The following SGSM2 variants were observed in gnomAD, a reference collection of about 807,000 sequenced individuals.
SGSM2 encodes the protein small G protein signaling modulator 2.
Under a neutral mutation model 126.6 loss-of-function variants are expected in SGSM2, and 89 were observed. That is an observed-to-expected ratio of 0.70 (90% confidence interval 0.59 to 0.84). The LOEUF (loss-of-function observed/expected upper bound fraction) is 0.84, where lower values mean the gene tolerates loss of function less well. Ranked by LOEUF, SGSM2 falls within the 40% of genes least tolerant of loss-of-function variation. The pLI is 0.00. For synonymous variants in SGSM2, 614 were observed against 574.3 expected (o/e 1.07, Z -0.99); for missense variants, 1,404 against 1,416.6 (o/e 0.99, Z 0.14).
chr17:2,371,541 CA>C, intron 13 of SGSM2, 126 bp downstream of exon 13: 3 of 1,212,312 alleles, frequency 2.5e-6, no homozygotes, highest in Non-Finnish European at 3.4e-6. Flanking sequence ...GATCTGGGTT[CA>C]AATTTCACTT....
intron 16 of SGSM2, 34 bp from the exon 17 acceptor site, chr17:2,373,297 C>A: frequency 6.3e-7 from 1 of 1,595,896 alleles, no homozygotes; most frequent in Non-Finnish European, 8.6e-7. Context: ...CTGGTGCACG[C>A]TTCCCCCATG....
chr17:2,344,264 A>G (rs2064497574), intron 2 of SGSM2, among the ~76,000 whole-genome samples: 1 of 152,162 alleles, frequency 6.6e-6, no homozygotes. Context: ...CCGCCTCCTC[A>G]GCCTGAAGAC....
chr17:2,357,016 G>A lies in SGSM2; in HGVS notation c.134-4621G>A, dbSNP rs571661565. 1.8e-4 allele frequency among the ~76,000 whole-genome samples: 28 copies of A among 152,112 alleles called. No homozygotes were observed. In the South Asian group the frequency reaches 2.5e-3, roughly 14 times the overall value. ...TATCTTAGAATGGTGGAATTGGGGT[G>A]TAAGGGTTGGGGTGCCCATAGGATT... On this transcript the variant is annotated intron_variant, in intron 2 of 23. Coordinates refer to ENST00000268989, the MANE Select transcript of SGSM2 (RefSeq NM_014853.3).
Position 2,373,494 on chromosome 17 carries a change from A to G in SGSM2, c.2081A>G (p.Asp694Gly). ...CACGTGCAGCGCCTCATCCACCGAG[A>G]CTCCACCATCAGCAACGATGTGAGC... ...DSHVQRLIHRDSTISNDVFIS... is the reference protein window; with the variant it reads ...DSHVQRLIHRGSTISNDVFIS... Residue 694 changes from aspartate (D) to glycine (G), a missense_variant, in exon 17 of 24, where the codon GAC becomes GGC. Transcript: ENST00000268989. 6.3e-7 allele frequency: 1 copy of G among 1,584,226 alleles called. No individual in the cohort carries two copies. Among genetic ancestry groups the G allele is most frequent in the Non-Finnish European group, 8.5e-7 (1 of 1,169,602 alleles).
rs967657307 is a variant in SGSM2 at position 2,343,476 on chromosome 17, A to G, written c.58-69A>G. 6 of 1,505,218 alleles carry G rather than the reference A, an allele frequency of 4.0e-6. No individual in the cohort carries two copies. The African/African-American group carries it at 6.9e-5, about 17-fold the overall frequency. 93.2% of individuals were successfully genotyped at this position (1,505,218 alleles called of 1,614,324 possible). On this transcript the variant is annotated intron_variant, in intron 1 of 23. Coordinates refer to ENST00000268989, the MANE Select transcript of SGSM2 (RefSeq NM_014853.3). ...CAGACCAGAAGGGCGGAACCAAACT[A>G]TTTATTTGCCCAGAGGTCTTTGATA...
chr17:2,379,164 A>C lies in SGSM2; in HGVS notation c.3028A>C (p.Asn1010His). The change falls in exon 23 of 24, where the codon AAC becomes CAC. Residue 1010 changes from asparagine (N) to histidine (H), a missense_variant. Physicochemically the swap from Asn to His is moderately conservative, Grantham distance 68. Transcript: ENST00000268989. The stretch of plus-strand genomic sequence containing the variant: ...GGCCTACCGAGAGATCATCCGTGAC[A>C]ACAACATGGACTTCACTGACATCAT... ...VEAYREIIRD[N>H]NMDFTDIIKF... is the part of the protein sequence containing the mutation. 1 of 1,614,014 alleles carries C rather than the reference A, an allele frequency of 6.2e-7. No homozygotes were observed. Among genetic ancestry groups the C allele is most frequent in the Non-Finnish European group, 8.5e-7 (1 of 1,179,960 alleles).
At chr17:2,373,885 T>G in intron 17 of SGSM2, 1 of 198,838 alleles carries the variant, frequency 5.0e-6, no homozygotes, top group Non-Finnish European at 1.0e-5. Flanking sequence ...GGGCAAGCAC[T>G]TCCCGTCTCT....
chr17:2,360,697 A>G (rs921084693), intron 2 of SGSM2, among the ~76,000 whole-genome samples: 1 of 152,228 alleles, frequency 6.6e-6, no homozygotes, highest in Admixed American at 6.5e-5. Flanking sequence ...GTTCTGTCTG[A>G]CTGTCTCCAG....
intron 2 of SGSM2, among the ~76,000 whole-genome samples, chr17:2,344,457 T>C (rs887188358): frequency 2.6e-5 from 4 of 152,098 alleles, no homozygotes; most frequent in Non-Finnish European, 5.9e-5. Context: ...AAAGAACAGA[T>C]AAGGGAAGGG....
rs148945300 is a variant in SGSM2 at position 2,375,618 on chromosome 17, G to A, written c.2227G>A (p.Val743Met). The change falls in exon 18 of 24, where the codon GTG becomes ATG. Residue 743 changes from valine (V) to methionine (M), a missense_variant. Physicochemically the swap from Val to Met is conservative, Grantham distance 21. Coordinates refer to ENST00000268989, the MANE Select transcript of SGSM2 (RefSeq NM_014853.3). ...GTAVVEQQHS[V>M]EFDSPDSGLP... ...CGCCGTGGTGGAGCAGCAGCATTCC[G>A]TGGAGTTCGACTCTCCAGACTCAGG... 220 of 1,614,052 alleles carry A rather than the reference G, an allele frequency of 1.4e-4. No individual in the cohort carries two copies. The highest frequency in any genetic ancestry group is 2.6e-4 in the South Asian group (24 of 91,088).
In SGSM2 at chr17:2,364,484, T is replaced by C. The variant is rs1458433281; in HGVS notation, c.933-112T>C. On this transcript the variant is annotated intron_variant, in intron 8 of 23. Transcript: ENST00000268989. ...GCTGGCTGTGTGCACCTCTTGGCTA[T>C]GGTCATCCTATCTTCAGGGGAGTTT... 6 of 1,191,466 alleles carry C rather than the reference T, an allele frequency of 5.0e-6. No individual in the cohort carries two copies. In the East Asian group the frequency reaches 1.2e-4, roughly 23 times the overall value. 73.8% of individuals were successfully genotyped at this position (1,191,466 alleles called of 1,614,324 possible). A position where few individuals can be genotyped will look rare whatever the true frequency, so the allele number is the denominator to read the frequency against.
intron 2 of SGSM2, among the ~76,000 whole-genome samples, chr17:2,360,718 T>C (rs1309529331): frequency 6.6e-6 from 1 of 152,244 alleles, no homozygotes; most frequent in Non-Finnish European, 1.5e-5. Flanking sequence ...CACAGCTCAC[T>C]GTTTCCAGTC....
In SGSM2 at chr17:2,380,274, T is replaced by C; in HGVS notation, c.*754T>C. 1 of 1,536,008 alleles carries C rather than the reference T, an allele frequency of 6.5e-7. No individual in the cohort carries two copies. Among genetic ancestry groups the C allele is most frequent in the African/African-American group, 1.4e-5 (1 of 73,164 alleles). The stretch of plus-strand genomic sequence containing the variant: ...TTGCGTTCTGCATTAGGTACTTCCC[T>C]GAAAACCACGTGTAAGAAGTGATGC... On this transcript the variant is annotated 3_prime_UTR_variant, in exon 24 of 24. Transcript: ENST00000268989.
At position 2,363,002 on chromosome 17, in the gene SGSM2, C is replaced by G. The variant is rs142758624; in HGVS notation, c.540C>G (p.Ala180=). 6.2e-7 allele frequency: 1 copy of G among 1,614,074 alleles called. No individual in the cohort carries two copies. Among genetic ancestry groups the G allele is most frequent in the Non-Finnish European group, 8.5e-7 (1 of 1,180,044 alleles). ...ILASLLVGPC[A]LEYTKLKTAD... ...CTGTCTCCACAGTGGGACCCTGTGC[C>G]TTGGAATACACTAAGCTCAAGACAG... Residue 180 remains alanine, a synonymous_variant, in exon 6 of 24, where the codon GCC becomes GCG. Transcript: ENST00000268989. The surrounding 1 kb of genome is among the most constrained non-coding windows in gnomAD (Gnocchi z 4.2).
At chr17:2,354,143 G>A (rs915199443) in intron 2 of SGSM2, among the ~76,000 whole-genome samples, 6 of 152,174 alleles carry the variant, frequency 3.9e-5, no homozygotes, top group Admixed American at 1.3e-4. Context: ...CTGGGCTCAA[G>A]TGATCTTCCC....
intron 13 of SGSM2, chr17:2,371,659 A>G (rs913951655): frequency 1.3e-5 from 7 of 523,984 alleles, no homozygotes; most frequent in Non-Finnish European, 2.4e-5. Flanking sequence ...TGCTGCCTGC[A>G]GTACTTATGA....
rs772430950 is a variant in SGSM2 at position 2,375,474 on chromosome 17, CCT to C, written c.2101-17_2101-16del. ...GGTGCTGGAGTGCAGGTGGAGCCGC[CCT>C]GTGTTCACCCCCCAGGTGTTTATCT... On this transcript the variant is annotated splice_polypyrimidine_tract_variant and intron_variant, in intron 17 of 23. Transcript: ENST00000268989. 6.3e-7 allele frequency: 1 copy of C among 1,590,300 alleles called. No individual in the cohort carries two copies.
intron 1 of SGSM2, among the ~76,000 whole-genome samples, chr17:2,340,335 G>A (rs568413148): frequency 6.6e-6 from 1 of 151,904 alleles, no homozygotes; most frequent in East Asian, 1.9e-4. Context: ...GGATAGTCTC[G>A]ATCTCCTGAC....
At position 2,380,044 on chromosome 17, in the gene SGSM2, G is replaced by C; in HGVS notation, c.*524G>C. 7.2e-7 allele frequency: 1 copy of C among 1,395,256 alleles called. No homozygotes were observed. Among genetic ancestry groups the C allele is most frequent in the Non-Finnish European group, 9.2e-7 (1 of 1,083,924 alleles). 86.4% of individuals were successfully genotyped at this position (1,395,256 alleles called of 1,614,324 possible). ...TTAGGCACACGTCACGGGTGCGGGA[G>C]ACCCGGGCACGGGAGACCCGGGCCG... On this transcript the variant is annotated 3_prime_UTR_variant, in exon 24 of 24. Transcript: ENST00000268989.
Sources: allele counts gnomAD v4.1 joint callset (sites outside exome capture counted in the v4.1 genomes callset), GRCh38; gene constraint gnomAD v4.1.1; non-coding constraint Gnocchi (gnomAD v3.1); transcripts MANE v1.5; gene names NCBI Gene and HGNC (gene_info 2026-07-23, HGNC 2026-07-21).